Variants in PPP3CA observed in about 807,000 individuals in gnomAD.
The protein encoded by PPP3CA is protein phosphatase 3 catalytic subunit alpha.
In PPP3CA, 14 loss-of-function variants were observed where a neutral mutation model predicts 66.5. The ratio of observed to expected loss-of-function variants is 0.21; its 90% CI spans 0.14 to 0.33. The LOEUF (loss-of-function observed/expected upper bound fraction) is 0.33. PPP3CA is among the 10% of genes least tolerant of loss of function. The pLI is 1.00. For synonymous variants in PPP3CA, 232 were observed against 226.2 expected, an observed-to-expected ratio of 1.03 and a Z score of -0.23; for missense variants, 317 against 639.5, an observed-to-expected ratio of 0.50 and a Z score of 5.44.
intron 1 of PPP3CA, among the ~76,000 whole-genome samples, chr4:101,293,522 T>C (rs1728098490): frequency 6.6e-6 from 1 of 152,208 alleles, no homozygotes; most frequent in Non-Finnish European, 1.5e-5. Flanking sequence ...AACACATGTC[T>C]TTGGAATGGC....
intron 7 of PPP3CA, 125 bp downstream of exon 7, chr4:101,083,061 A>AT: frequency 4.9e-6 from 3 of 606,930 alleles, no homozygotes; most frequent in Non-Finnish European, 7.8e-6. Flanking sequence ...TCAGAAGATA[A>AT]TTTTAAGCTC....
intron 10 of PPP3CA, among the ~76,000 whole-genome samples, chr4:101,056,499 G>A (rs1381440406): frequency 6.6e-6 from 1 of 152,102 alleles, no homozygotes; most frequent in African/African-American, 2.4e-5. Flanking sequence ...AAAAAGTCAA[G>A]CTGATAAGAT....
At chr4:101,068,292 A>G (rs770067036) in intron 8 of PPP3CA, among the ~76,000 whole-genome samples, 13 of 152,122 alleles carry the variant, frequency 8.5e-5, no homozygotes, top group Non-Finnish European at 1.5e-4. Context: ...TTTCCTTCCA[A>G]TTCTTCCACC....
At chr4:101,160,607 T>TA (rs1201694352) in intron 2 of PPP3CA, among the ~76,000 whole-genome samples, 5 of 152,050 alleles carry the variant, frequency 3.3e-5, no homozygotes, top group African/African-American at 1.2e-4. Flanking sequence ...GTCAAGGTGT[T>TA]ACTGGAGTTG....
At chr4:101,028,855 A>C (rs997631687) in intron 13 of PPP3CA, among the ~76,000 whole-genome samples, 1 of 152,184 alleles carries the variant, frequency 6.6e-6, no homozygotes, top group East Asian at 1.9e-4. Flanking sequence ...TTATTGTTTT[A>C]TAAGCTACTG....
At chr4:101,030,698 C>T (rs771135013) in intron 12 of PPP3CA, among the ~76,000 whole-genome samples, 1 of 152,062 alleles carries the variant, frequency 6.6e-6, no homozygotes, top group Non-Finnish European at 1.5e-5. Flanking sequence ...TAAAGCAAAA[C>T]ATCCAGAATC....
rs553109981 is a variant in PPP3CA, at chr4:101,045,185, T to C, written c.1157-4619A>G. On this transcript the variant is annotated intron_variant, in intron 10 of 13. Transcript: ENST00000394854. ...GACTCCTTTACTATACAGCCTGCCA[T>C]GTGCTAGCAATAGAAATATGAATGA... Among the ~76,000 whole-genome samples, 105 of 152,244 alleles carry C rather than the reference T, an allele frequency of 6.9e-4. 1 individual carries two copies. The highest frequency in any genetic ancestry group is 1.4e-3 in the Non-Finnish European group (94 of 68,038).
intron 2 of PPP3CA, among the ~76,000 whole-genome samples, chr4:101,150,107 C>T (rs1723090982): frequency 6.6e-6 from 1 of 152,130 alleles, no homozygotes; most frequent in South Asian, 2.1e-4. Flanking sequence ...AATATACATA[C>T]TTTCACCCAC....
At chr4:101,029,347 TAAAAAAAAAAAAAAAAAA>T in intron 12 of PPP3CA, 152 bp from the exon 13 acceptor site, 1 of 74,376 alleles carries the variant, frequency 1.3e-5, no homozygotes, top group Non-Finnish European at 2.2e-5. Context: ...ACAGAAATGC[TAAAAAAAAAAAAAAAAAA>T]AAAAAAAGAA....
At chr4:101,099,423 T>C (rs1482602012) in intron 4 of PPP3CA, among the ~76,000 whole-genome samples, 188 bp downstream of exon 4, 2 of 152,192 alleles carry the variant, frequency 1.3e-5, no homozygotes, top group Non-Finnish European at 2.9e-5. Flanking sequence ...AAAGAAGTTC[T>C]AATTTAAAAA....
At chr4:101,039,446 T>G (rs1241363911) in intron 11 of PPP3CA, among the ~76,000 whole-genome samples, 1 of 144,908 alleles carries the variant, frequency 6.9e-6, no homozygotes, top group Non-Finnish European at 1.5e-5. Context: ...CGTACAGCAA[T>G]AGAGCAAAGG....
chr4:101,049,372 A>G (rs1727912036), intron 10 of PPP3CA, among the ~76,000 whole-genome samples: 1 of 152,068 alleles, frequency 6.6e-6, no homozygotes, highest in Admixed American at 6.6e-5. Flanking sequence ...GTTTTTTAAT[A>G]TTTACCAAGG....
intron 1 of PPP3CA, among the ~76,000 whole-genome samples, chr4:101,308,565 C>A (rs2583397): frequency 0.31 from 47,663 of 151,804 alleles, 7,878 homozygotes; most frequent in East Asian, 0.52. Context: ...GCAGCTTCAG[C>A]CTCCCAAGTA....
In PPP3CA at chr4:101,244,091, T is replaced by G. The variant is rs138141189; in HGVS notation, c.59-47975A>C. Reference sequence around the variant, plus strand: ...CCTATGCCAAAGGAAAGATCATATCTTCCAAATATTTGAACCATGAAAGGA... The same window carrying G: ...CCTATGCCAAAGGAAAGATCATATCGTCCAAATATTTGAACCATGAAAGGA... On this transcript the variant is annotated intron_variant, in intron 1 of 13. Transcript: ENST00000394854. Among the ~76,000 whole-genome samples the G allele has an allele frequency of 6.1e-3, 936 of 152,300 alleles. 5 individuals carry two copies. The highest frequency in any genetic ancestry group is 0.011 in the South Asian group (53 of 4,820).
chr4:101,301,529 G>A (rs891420804), intron 1 of PPP3CA, among the ~76,000 whole-genome samples: 1 of 134,942 alleles, frequency 7.4e-6, no homozygotes, highest in African/African-American at 2.8e-5. Flanking sequence ...ATCTTGCTCT[G>A]TCACCCAGGC....
chr4:101,295,007 G>A lies in PPP3CA; in HGVS notation c.58+51732C>T, dbSNP rs919671146. On this transcript the variant is annotated intron_variant, in intron 1 of 13. Coordinates refer to ENST00000394854, the MANE Select transcript of PPP3CA (RefSeq NM_000944.5). ...GGCTACTGGTATACTTGGTGTGAAAGTATATTCACTCGGGCCGGGCGCGGT... is the reference window on the plus strand; with the variant it reads ...GGCTACTGGTATACTTGGTGTGAAAATATATTCACTCGGGCCGGGCGCGGT... 1.2e-4 allele frequency among the ~76,000 whole-genome samples: 18 copies of A among 152,186 alleles called. 1 individual carries two copies. Among genetic ancestry groups the A allele is most frequent in the Non-Finnish European group, 4.4e-5 (3 of 68,038 alleles).
intron 2 of PPP3CA, among the ~76,000 whole-genome samples, chr4:101,140,599 C>G (rs572521275): frequency 1.3e-4 from 20 of 152,034 alleles, no homozygotes; most frequent in African/African-American, 4.8e-4. Flanking sequence ...AAATTGGGCC[C>G]TAATATGTTT....
chr4:101,056,584 T>C (rs1021435375), intron 10 of PPP3CA, among the ~76,000 whole-genome samples: 2 of 152,122 alleles, frequency 1.3e-5, no homozygotes, highest in African/African-American at 4.8e-5. Context: ...TGGAATGAAA[T>C]ATTGAGAAGG....
intron 1 of PPP3CA, among the ~76,000 whole-genome samples, chr4:101,343,635 C>G (rs948728678): frequency 1.3e-5 from 2 of 152,114 alleles, no homozygotes; most frequent in African/African-American, 4.8e-5. Context: ...AATGATACAG[C>G]ACTAGTTTTG....
Sources: gnomAD v4.1 joint callset for allele counts (sites outside exome capture counted in the v4.1 genomes callset) on GRCh38, gnomAD v4.1.1 for gene constraint, MANE v1.5 for transcripts, NCBI Gene and HGNC (gene_info 2026-07-23, HGNC 2026-07-21) for gene names.